Variants in DYNC1I1 observed in about 807,000 individuals in gnomAD.
DYNC1I1 encodes dynein cytoplasmic 1 intermediate chain 1, also known as cytoplasmic dynein 1 intermediate chain 1.
A neutral mutation model predicts 86.6 loss-of-function variants in DYNC1I1; 43 were observed. The ratio of observed to expected loss-of-function variants is 0.50; its 90% CI spans 0.39 to 0.64. The LOEUF (loss-of-function observed/expected upper bound fraction) is 0.64. Among genes scored for constraint, DYNC1I1 ranks in the 30% least tolerant of loss-of-function variants. The pLI, the probability that DYNC1I1 is intolerant of heterozygous loss-of-function variation, is 0.00. For synonymous variants in DYNC1I1, 262 were observed against 283.7 expected (o/e 0.92, Z 0.77); for missense variants, 604 against 788.8 (o/e 0.77, Z 2.81).
At chr7:95,790,229 C>T (rs546620955) in intron 1 of DYNC1I1, among the ~76,000 whole-genome samples, 9 of 152,296 alleles carry the variant, frequency 5.9e-5, no homozygotes, top group Admixed American at 3.3e-4. Flanking sequence ...ATCCTGTGTC[C>T]TGTGTACCTC....
At chr7:96,063,788 C>T (rs1789866299) in intron 14 of DYNC1I1, among the ~76,000 whole-genome samples, 1 of 152,160 alleles carries the variant, frequency 6.6e-6, no homozygotes, top group Non-Finnish European at 1.5e-5. Flanking sequence ...GGTGATAATT[C>T]CACCCATAAG....
At chr7:95,803,325 G>A (rs1794625886) in intron 1 of DYNC1I1, among the ~76,000 whole-genome samples, 1 of 152,176 alleles carries the variant, frequency 6.6e-6, no homozygotes, top group African/African-American at 2.4e-5. Flanking sequence ...AGAGAATCTG[G>A]TTTTGCTTAT....
chr7:95,944,194 T>C (rs1266230485), intron 6 of DYNC1I1, among the ~76,000 whole-genome samples: 2 of 151,286 alleles, frequency 1.3e-5, no homozygotes, highest in East Asian at 1.9e-4. Context: ...AACAAACAAC[T>C]CCATCAAAAA....
intron 10 of DYNC1I1, among the ~76,000 whole-genome samples, chr7:96,003,704 A>T (rs1481751571): frequency 6.6e-6 from 1 of 152,146 alleles, no homozygotes; most frequent in Non-Finnish European, 1.5e-5. Flanking sequence ...ACAGAGCAGG[A>T]GTGGGCTGTA....
chr7:95,853,633 C>T (rs1329247988), intron 5 of DYNC1I1, among the ~76,000 whole-genome samples: 2 of 152,146 alleles, frequency 1.3e-5, no homozygotes, highest in Non-Finnish European at 2.9e-5. Flanking sequence ...GTATATCCTA[C>T]AACTGATGGA....
rs543410565 is a variant in DYNC1I1 at position 95,969,472 on chromosome 7, C to G, written c.491-8040C>G. On this transcript the variant is annotated intron_variant, in intron 6 of 16. Coordinates refer to ENST00000447467, the MANE Select transcript of DYNC1I1 (RefSeq NM_001135556.2). ...TGCATGGAAACACCGATCAGTCAAG[C>G]CTCCTTGTCTCCAAACATCAAACTG... Among the ~76,000 whole-genome samples the G allele has an allele frequency of 5.3e-5, 8 of 152,256 alleles. No homozygotes were observed. The East Asian group carries it at 1.5e-3, about 29-fold the overall frequency.
intron 5 of DYNC1I1, among the ~76,000 whole-genome samples, chr7:95,868,709 CATATGACTACATAATAT>C (rs1216552714): frequency 6.6e-6 from 1 of 152,088 alleles, no homozygotes; most frequent in Non-Finnish European, 1.5e-5. Flanking sequence ...AAATTATGTA[CATATGACTACATAATAT>C]ATATGTGGCA....
chr7:95,819,269 G>C (rs945406670), intron 4 of DYNC1I1, among the ~76,000 whole-genome samples: 1 of 152,164 alleles, frequency 6.6e-6, no homozygotes, highest in African/African-American at 2.4e-5. Context: ...CTTATTGACA[G>C]AAAGCTTTGG....
At chr7:95,925,925 A>G (rs1366456388) in intron 6 of DYNC1I1, among the ~76,000 whole-genome samples, 4 of 152,166 alleles carry the variant, frequency 2.6e-5, no homozygotes, top group South Asian at 4.2e-4. Context: ...ACAAACTTCT[A>G]ATAAAGTTCC....
chr7:95,926,994 A>G (rs190022877), intron 6 of DYNC1I1, among the ~76,000 whole-genome samples: 8 of 152,326 alleles, frequency 5.3e-5, no homozygotes, highest in Admixed American at 2.6e-4. Flanking sequence ...AACAAATTAT[A>G]TACTCAAAAT....
At chr7:95,883,325 G>A (rs1295882769) in intron 6 of DYNC1I1, among the ~76,000 whole-genome samples, 2 of 152,096 alleles carry the variant, frequency 1.3e-5, no homozygotes, top group African/African-American at 4.8e-5. Flanking sequence ...TTGTTAAGTG[G>A]TTCTATCTGC....
Position 95,814,502 on chromosome 7 carries a change from G to A in DYNC1I1, c.314+1165G>A, listed in dbSNP as rs558286352. ...TTTCTTGCCTCCGTATGTATTACTGGGGCAAAGATATAAAATTTTGCATTT... is the reference window on the plus strand; with the variant it reads ...TTTCTTGCCTCCGTATGTATTACTGAGGCAAAGATATAAAATTTTGCATTT... On this transcript the variant is annotated intron_variant, in intron 4 of 16. Coordinates refer to ENST00000447467, the MANE Select transcript of DYNC1I1 (RefSeq NM_001135556.2). Among the ~76,000 whole-genome samples the A allele has an allele frequency of 1.1e-4, 16 of 152,150 alleles. No homozygotes were observed. In the East Asian group the frequency reaches 2.7e-3, roughly 26 times the overall value.
intron 6 of DYNC1I1, among the ~76,000 whole-genome samples, chr7:95,918,970 A>G (rs1159076175): frequency 6.6e-6 from 1 of 152,190 alleles, no homozygotes; most frequent in East Asian, 1.9e-4. Context: ...AGTTTTAGGA[A>G]CTGTTTTTTA....
chr7:96,042,838 T>A (rs1789091846), intron 14 of DYNC1I1, among the ~76,000 whole-genome samples: 1 of 152,114 alleles, frequency 6.6e-6, no homozygotes, highest in Admixed American at 6.5e-5. Context: ...ATGAGGGGAC[T>A]TTTTCTTTAC....
At chr7:96,100,960 G>A (rs1162908294), downstream of DYNC1I1, among the ~76,000 whole-genome samples, 1 of 152,164 alleles carries the variant, frequency 6.6e-6, no homozygotes, top group Non-Finnish European at 1.5e-5. Flanking sequence ...TGGTGAGAGA[G>A]GCATTAGCAT....
At chr7:96,014,521 A>G (rs1794357053) in intron 10 of DYNC1I1, among the ~76,000 whole-genome samples, 1 of 152,166 alleles carries the variant, frequency 6.6e-6, no homozygotes, top group South Asian at 2.1e-4. Context: ...TTGCTATATT[A>G]TTTGGCTGGT....
At chr7:95,884,298 A>T (rs1790534750) in intron 6 of DYNC1I1, among the ~76,000 whole-genome samples, 1 of 152,206 alleles carries the variant, frequency 6.6e-6, no homozygotes, top group Admixed American at 6.5e-5. Context: ...AATTTCCAGG[A>T]CATGGAAACT....
At chr7:96,062,781 G>T (rs1213385943) in intron 14 of DYNC1I1, among the ~76,000 whole-genome samples, 1 of 152,172 alleles carries the variant, frequency 6.6e-6, no homozygotes, top group African/African-American at 2.4e-5. Flanking sequence ...AAAATAAAAA[G>T]AAGTCTGCAG....
chr7:95,949,314 A>G (rs965958916), intron 6 of DYNC1I1, among the ~76,000 whole-genome samples: 5 of 152,204 alleles, frequency 3.3e-5, no homozygotes, highest in African/African-American at 1.2e-4. Flanking sequence ...TGGAATTTAC[A>G]CTTTCCCCCA....
Sources: gnomAD v4.1 joint callset for allele counts (sites outside exome capture counted in the v4.1 genomes callset) on GRCh38, gnomAD v4.1.1 for gene constraint, MANE v1.5 for transcripts, NCBI Gene and HGNC (gene_info 2026-07-23, HGNC 2026-07-21) for gene names.